ROBO2: variants seen among roughly 807,000 people sequenced by gnomAD.
ROBO2 encodes the protein roundabout guidance receptor 2.
A neutral mutation model predicts 160.8 loss-of-function variants in ROBO2; 53 were observed. The observed-to-expected ratio is 0.33, with a 90% CI of 0.26 to 0.41. The LOEUF (loss-of-function observed/expected upper bound fraction) is 0.41, where lower values mean the gene tolerates loss of function less well. Ranked by LOEUF, ROBO2 falls within the 10% of genes least tolerant of loss-of-function variation. The pLI, the probability that ROBO2 is intolerant of heterozygous loss-of-function variation, is 1.00. For synonymous variants in ROBO2, 664 were observed against 611.7 expected, an observed-to-expected ratio of 1.09 and a Z score of -1.26; for missense variants, 1,577 against 1,722.4, an observed-to-expected ratio of 0.92 and a Z score of 1.49.
chr3:76,438,856 A>T (rs1010761134), intron 2 of ROBO2, among the ~76,000 whole-genome samples: 1 of 151,976 alleles, frequency 6.6e-6, no homozygotes, highest in Non-Finnish European at 1.5e-5. Flanking sequence ...AACATACGAG[A>T]TTTTGAGATA....
intron 2 of ROBO2, among the ~76,000 whole-genome samples, chr3:76,937,664 T>A (rs1015181323): frequency 2.0e-5 from 3 of 152,154 alleles, no homozygotes; most frequent in African/African-American, 7.2e-5. Flanking sequence ...TTTTGGCCAT[T>A]TGCACCAATT....
intron 1 of ROBO2, among the ~76,000 whole-genome samples, chr3:75,927,874 GTA>G (rs1947349366): frequency 6.6e-6 from 1 of 151,744 alleles, no homozygotes; most frequent in Non-Finnish European, 1.5e-5. Context: ...TTTGGAGTCT[GTA>G]TAGAAAAAGT....
At chr3:76,372,644 GTGAGTCAGAATCC>G (rs1368906553) in intron 2 of ROBO2, among the ~76,000 whole-genome samples, 1 of 151,906 alleles carries the variant, frequency 6.6e-6, no homozygotes, top group African/African-American at 2.4e-5. Context: ...GTGTAAGCAA[GTGAGTCAGAATCC>G]TGTATTTACA....
chr3:76,073,437 C>T lies in ROBO2; in HGVS notation c.109+135835C>T, dbSNP rs548735295. Among the ~76,000 whole-genome samples, 27 of 150,922 alleles carry T rather than the reference C, an allele frequency of 1.8e-4. 1 individual carries two copies. The highest frequency in any genetic ancestry group is 5.8e-4 in the African/African-American group (24 of 41,234). ...CCTCCGGAGTAGCTGGGACTACAGG[C>T]GCCGCCCCCACGCCCGGCTAATTTT... On this transcript the variant is annotated intron_variant, in intron 2 of 26. Transcript: ENST00000487694.
intron 1 of ROBO2, among the ~76,000 whole-genome samples, chr3:77,082,676 T>C (rs1240677508): frequency 6.6e-6 from 1 of 151,430 alleles, no homozygotes; most frequent in Non-Finnish European, 1.5e-5. Context: ...GTTTGGTACA[T>C]TTGATTCAAA....
At chr3:76,649,186 T>A (rs1481015678) in intron 2 of ROBO2, among the ~76,000 whole-genome samples, 2 of 152,162 alleles carry the variant, frequency 1.3e-5, no homozygotes, top group Non-Finnish European at 2.9e-5. Flanking sequence ...TGGGGGTCTT[T>A]GTGTCTTAGT....
intron 2 of ROBO2, among the ~76,000 whole-genome samples, chr3:76,971,460 C>A (rs1559782976): frequency 6.6e-6 from 1 of 151,930 alleles, no homozygotes; most frequent in Non-Finnish European, 1.5e-5. Flanking sequence ...GATGGATTAA[C>A]ATATGTTAGA....
At chr3:76,161,449 G>T (rs2072635849) in intron 2 of ROBO2, among the ~76,000 whole-genome samples, 1 of 152,106 alleles carries the variant, frequency 6.6e-6, no homozygotes, top group African/African-American at 2.4e-5. Context: ...AAGCTAGACT[G>T]ACAGTACAAT....
chr3:76,518,685 T>C (rs1400196585), intron 2 of ROBO2, among the ~76,000 whole-genome samples: 1 of 152,176 alleles, frequency 6.6e-6, no homozygotes, highest in Non-Finnish European at 1.5e-5. Context: ...TCTTTATTTG[T>C]GTTATTTTGA....
At chr3:76,824,712 C>G (rs2066416932) in intron 2 of ROBO2, among the ~76,000 whole-genome samples, 1 of 151,988 alleles carries the variant, frequency 6.6e-6, no homozygotes, top group African/African-American at 2.4e-5. Flanking sequence ...AAAGAGAATT[C>G]CAAAGAATTC....
chr3:76,324,603 A>C (rs989517298), intron 2 of ROBO2, among the ~76,000 whole-genome samples: 5 of 151,282 alleles, frequency 3.3e-5, no homozygotes, highest in African/African-American at 1.2e-4. Flanking sequence ...TAGATTCAAA[A>C]CATGTTTAAG....
intron 2 of ROBO2, among the ~76,000 whole-genome samples, chr3:77,015,039 TA>T (rs11391793): frequency 8.3e-4 from 121 of 145,188 alleles, no homozygotes; most frequent in African/African-American, 1.8e-3. Flanking sequence ...GTTCAACTTG[TA>T]AAAAAAAAAA....
chr3:76,209,940 T>C (rs2107312736), intron 2 of ROBO2, among the ~76,000 whole-genome samples: 1 of 152,094 alleles, frequency 6.6e-6, no homozygotes, highest in Non-Finnish European at 1.5e-5. Context: ...AAGCAAAGGA[T>C]GGATTAAATG....
intron 2 of ROBO2, among the ~76,000 whole-genome samples, chr3:76,639,411 C>T (rs951245618): frequency 6.6e-6 from 1 of 151,432 alleles, no homozygotes; most frequent in Admixed American, 6.6e-5. Flanking sequence ...CACATACATA[C>T]ATAAATACAT....
At chr3:77,297,355 T>G (rs1314245378) in intron 2 of ROBO2, among the ~76,000 whole-genome samples, 2 of 152,144 alleles carry the variant, frequency 1.3e-5, no homozygotes, top group South Asian at 4.1e-4. Context: ...ATAAATCTTT[T>G]TGGATTTAAT....
chr3:77,107,160 C>T (rs1215221762), intron 2 of ROBO2, among the ~76,000 whole-genome samples: 1 of 152,210 alleles, frequency 6.6e-6, no homozygotes, highest in Non-Finnish European at 1.5e-5. Context: ...GTGAAAGGCA[C>T]TAATCCCATT....
intron 2 of ROBO2, among the ~76,000 whole-genome samples, chr3:75,997,336 G>A (rs550057841): frequency 6.6e-6 from 1 of 152,148 alleles, no homozygotes; most frequent in Non-Finnish European, 1.5e-5. Flanking sequence ...GCTAGTTGAA[G>A]TTACTTATAT....
chr3:77,205,918 T>G (rs1411398675), intron 2 of ROBO2, among the ~76,000 whole-genome samples: 3 of 151,896 alleles, frequency 2.0e-5, no homozygotes, highest in Non-Finnish European at 4.4e-5. Context: ...ACGAAATGAG[T>G]GGCTTAAAAC....
intron 2 of ROBO2, among the ~76,000 whole-genome samples, chr3:76,294,252 G>A (rs1257615726): frequency 6.6e-6 from 1 of 152,146 alleles, no homozygotes; most frequent in Non-Finnish European, 1.5e-5. Flanking sequence ...TGCAGCTGTG[G>A]CTGGGCAGCT....
Sources: gnomAD v4.1 joint callset for allele counts (sites outside exome capture counted in the v4.1 genomes callset) on GRCh38, gnomAD v4.1.1 for gene constraint, MANE v1.5 for transcripts, NCBI Gene and HGNC (gene_info 2026-07-23, HGNC 2026-07-21) for gene names.